The following SATL1 variants were observed in gnomAD, a reference collection of about 807,000 sequenced individuals.
SATL1 encodes spermidine/spermine N1-acetyl transferase like 1, also known as spermidine/spermine N(1)-acetyltransferase-like protein 1.
In SATL1, 47 loss-of-function variants were observed where a neutral mutation model predicts 51.8. The observed-to-expected ratio is 0.91, with a 90% CI of 0.72 to 1.16. The LOEUF (loss-of-function observed/expected upper bound fraction) is 1.16, where lower values mean the gene tolerates loss of function less well. SATL1 is among the 50% of genes most tolerant of loss of function. The pLI is 0.00. For missense variants in SATL1, 520 were observed against 526.4 expected, an observed-to-expected ratio of 0.99 and a Z score of 0.12; for synonymous variants, 176 against 182.4, an observed-to-expected ratio of 0.97 and a Z score of 0.28.
intron 4 of SATL1, among the ~76,000 whole-genome samples, chrX:85,095,977 T>A (rs1326758354): frequency 1.8e-5 from 2 of 110,534 alleles, no homozygotes; most frequent in Non-Finnish European, 3.8e-5. Flanking sequence ...AGAATCTGAT[T>A]TCCAGAGTTA....
intron 2 of SATL1, among the ~76,000 whole-genome samples, chrX:85,171,269 G>A (rs1173956329): frequency 1.8e-5 from 2 of 110,801 alleles, no homozygotes; most frequent in Non-Finnish European, 3.8e-5. Context: ...TTTATTGTTG[G>A]TTGTTTACTT....
chrX:85,098,305 C>T (rs1924791347), intron 4 of SATL1, among the ~76,000 whole-genome samples: 1 of 111,184 alleles, frequency 9.0e-6, no homozygotes, highest in African/African-American at 3.3e-5. Context: ...ATGCATTGAA[C>T]ATCACAGCTC....
intron 2 of SATL1, among the ~76,000 whole-genome samples, chrX:85,191,053 G>A (rs1291588310): frequency 9.2e-6 from 1 of 108,513 alleles, no homozygotes; most frequent in Non-Finnish European, 1.9e-5. Context: ...CACCAACATG[G>A]CACATGTATA....
intron 2 of SATL1, among the ~76,000 whole-genome samples, chrX:85,131,747 T>C (rs997935496): frequency 1.8e-5 from 2 of 111,926 alleles, no homozygotes; most frequent in East Asian, 2.8e-4. Flanking sequence ...CTAGCATCAA[T>C]GGTCTTTACA....
At chrX:85,236,156 A>G (rs761517791) in intron 1 of SATL1, among the ~76,000 whole-genome samples, 143 of 111,643 alleles carry the variant, frequency 1.3e-3, no homozygotes, top group African/African-American at 4.4e-3. Context: ...CAAAAGCTGA[A>G]CAAACCAATA....
intron 2 of SATL1, among the ~76,000 whole-genome samples, chrX:85,214,521 G>A (rs1170090633): frequency 1.8e-5 from 2 of 111,246 alleles, no homozygotes; most frequent in African/African-American, 6.5e-5. Context: ...GAACGCCTAA[G>A]TATCATGTCC....
chrX:85,161,995 C>A (rs1173237801), intron 2 of SATL1, among the ~76,000 whole-genome samples: 1 of 111,494 alleles, frequency 9.0e-6, no homozygotes, highest in African/African-American at 3.3e-5. Flanking sequence ...AATTAGAAAT[C>A]GAGACTAAGA....
intron 1 of SATL1, among the ~76,000 whole-genome samples, chrX:85,242,675 G>C (rs1426902743): frequency 8.9e-6 from 1 of 112,060 alleles, no homozygotes; most frequent in Non-Finnish European, 1.9e-5. Context: ...ACACGAGCAT[G>C]CTCCTTCTCT....
intron 2 of SATL1, among the ~76,000 whole-genome samples, chrX:85,169,635 A>T (rs1432582341): frequency 9.0e-6 from 1 of 111,717 alleles, no homozygotes; most frequent in African/African-American, 3.3e-5. Context: ...GATGCTGGTG[A>T]GGTTGTGGAG....
intron 2 of SATL1, among the ~76,000 whole-genome samples, chrX:85,190,899 T>C (rs1342094984): frequency 9.9e-6 from 1 of 101,216 alleles, no homozygotes; most frequent in Non-Finnish European, 2.0e-5. Context: ...CTCTCACTCA[T>C]AGGTGGGAAT....
rs1924542393 is a variant in SATL1 at position 85,092,289 on chromosome X, T to C, written c.*102A>G. 1 of 866,939 alleles carries C rather than the reference T, an allele frequency of 1.2e-6. No individual in the cohort carries two copies. The highest frequency in any genetic ancestry group is 1.6e-6 in the Non-Finnish European group (1 of 644,550). The allele number at this position is 866,939 out of a possible 1,213,427, so 71.4% of individuals were successfully genotyped here. A position where few individuals can be genotyped will look rare whatever the true frequency, so the allele number is the denominator to read the frequency against. ...AAGATCTGCTCAAACAAGAATGTGATGATCACTTGCTGTATTGTACAACAA... is the reference window on the plus strand; with the variant it reads ...AAGATCTGCTCAAACAAGAATGTGACGATCACTTGCTGTATTGTACAACAA... On this transcript the variant is annotated 3_prime_UTR_variant, in exon 8 of 8. Transcript: ENST00000644105.
chrX:85,239,527 T>C (rs1379896024), intron 1 of SATL1, among the ~76,000 whole-genome samples: 1 of 111,891 alleles, frequency 8.9e-6, no homozygotes, highest in Non-Finnish European at 1.9e-5. Context: ...CAAATTTACA[T>C]GTAAAGACAC....
intron 2 of SATL1, among the ~76,000 whole-genome samples, chrX:85,138,800 T>G (rs1926031605): frequency 9.0e-6 from 1 of 110,931 alleles, no homozygotes; most frequent in Admixed American, 9.7e-5. Flanking sequence ...GGGGCAAATA[T>G]TTTTTGTTTT....
intron 2 of SATL1, among the ~76,000 whole-genome samples, chrX:85,133,332 C>T (rs952750479): frequency 1.1e-4 from 12 of 112,017 alleles, no homozygotes; most frequent in South Asian, 7.5e-4. Flanking sequence ...GCTTCCTGTC[C>T]GCTTTGTATA....
At position 85,175,373 on chromosome X, in the gene SATL1, A is replaced by T. The variant is rs144540622; in HGVS notation, c.-313+48832T>A. 3.1e-3 allele frequency among the ~76,000 whole-genome samples: 348 copies of T among 111,960 alleles called. 1 individual carries two copies. The highest frequency in any genetic ancestry group is 0.01 in the African/African-American group (320 of 30,910). On this transcript the variant is annotated intron_variant, in intron 2 of 7. Transcript: ENST00000644105. ...GAAAATAGGAGAGAAATCTTTTATA[A>T]CATTGGAGTAGGAAAGTTCTTTCCA... is the stretch of plus-strand genomic sequence containing the variant.
intron 1 of SATL1, among the ~76,000 whole-genome samples, chrX:85,233,997 A>G (rs754004876): frequency 7.2e-5 from 8 of 111,385 alleles, no homozygotes; most frequent in Non-Finnish European, 1.5e-4. Flanking sequence ...TAAGATATCT[A>G]ATAATCAAAT....
At chrX:85,200,497 C>T (rs1198649933) in intron 2 of SATL1, among the ~76,000 whole-genome samples, 4 of 111,374 alleles carry the variant, frequency 3.6e-5, no homozygotes, top group Non-Finnish European at 7.5e-5. Context: ...AACTAAGGAA[C>T]CTAAGGCTCC....
Position 85,099,992 on chromosome X carries a change from C to T in SATL1, c.1693+3872G>A, listed in dbSNP as rs778614005. On this transcript the variant is annotated intron_variant, in intron 4 of 7. Coordinates refer to ENST00000644105, the MANE Select transcript of SATL1 (RefSeq NM_001367857.2). Reference sequence around the variant, plus strand: ...AGGCCAAGGCAGGTGGATCACCTGACGTCAGGAGTTTGTGACCAGTCTGGC... The same window carrying T: ...AGGCCAAGGCAGGTGGATCACCTGATGTCAGGAGTTTGTGACCAGTCTGGC... Among the ~76,000 whole-genome samples, 28 of 112,498 alleles carry T rather than the reference C, an allele frequency of 2.5e-4. No homozygotes were observed. In the East Asian group the frequency reaches 6.2e-3, roughly 25 times the overall value.
intron 2 of SATL1, among the ~76,000 whole-genome samples, chrX:85,157,012 G>C (rs190060546): frequency 9.4e-6 from 1 of 106,753 alleles, no homozygotes; most frequent in South Asian, 4.1e-4. Context: ...TGTCATATTA[G>C]GCCACAAGTA....
Sources: gnomAD v4.1 joint callset for allele counts (sites outside exome capture counted in the v4.1 genomes callset) on GRCh38, gnomAD v4.1.1 for gene constraint, MANE v1.5 for transcripts, NCBI Gene and HGNC (gene_info 2026-07-23, HGNC 2026-07-21) for gene names.